Variants in NAV2 observed in about 807,000 individuals in gnomAD.
NAV2 encodes the protein neuron navigator 2.
Under a neutral mutation model 223.2 loss-of-function variants are expected in NAV2, and 54 were observed. The ratio of observed to expected loss-of-function variants is 0.24; its 90% CI spans 0.19 to 0.30. NAV2 has a LOEUF of 0.30. NAV2 is among the 10% of genes least tolerant of loss of function. The pLI is 1.00. For synonymous variants in NAV2, 1,279 were observed against 1,239.3 expected (o/e 1.03, Z -0.67); for missense variants, 2,806 against 3,147.5 (o/e 0.89, Z 2.60).
At chr11:20,098,662 C>T (rs1406650332) in intron 31 of NAV2, among the ~76,000 whole-genome samples, 1 of 152,246 alleles carries the variant, frequency 6.6e-6, no homozygotes, top group Non-Finnish European at 1.5e-5. Flanking sequence ...TCTTGCTCTG[C>T]AGGTGGCAAG....
chr11:19,776,646 G>GGT (rs1333632145), intron 1 of NAV2, among the ~76,000 whole-genome samples: 1 of 146,930 alleles, frequency 6.8e-6, no homozygotes, highest in African/African-American at 2.5e-5. Flanking sequence ...GTGTGTGTGT[G>GGT]TGTGTGTGTG....
upstream of NAV2, among the ~76,000 whole-genome samples, chr11:19,708,663 T>A (rs761760392): frequency 1.3e-5 from 2 of 152,036 alleles, no homozygotes; most frequent in African/African-American, 2.4e-5. Context: ...CAGAGAGGGG[T>A]GCAGCTGGCA....
At position 19,713,255 on chromosome 11, in the gene NAV2, C is replaced by T; in HGVS notation, c.-441C>T. 1.0e-6 allele frequency: 1 copy of T among 958,372 alleles called. No individual in the cohort carries two copies. The highest frequency in any genetic ancestry group is 1.2e-6 in the Non-Finnish European group (1 of 801,798). The allele number at this position is 958,372 out of a possible 1,614,324, so 59.4% of individuals were successfully genotyped here. On this transcript the variant is annotated 5_prime_UTR_variant, in exon 1 of 38. Coordinates refer to ENST00000349880, the MANE Select transcript of NAV2 (RefSeq NM_145117.5). The surrounding 1 kb of genome is among the most constrained non-coding windows in gnomAD (Gnocchi z 7.2). ...TTCTCTCGCCGGCTCAGACCCGTAG[C>T]CTCCGGAACGGGACTCGTGGGTCGC...
intron 3 of NAV2, among the ~76,000 whole-genome samples, chr11:19,864,593 G>A (rs2061980899): frequency 1.3e-5 from 2 of 152,158 alleles, no homozygotes; most frequent in Admixed American, 6.5e-5. Context: ...GCTCTCCTTG[G>A]TGGGGAAATA....
At chr11:20,078,228 G>T in intron 24 of NAV2, 124 bp downstream of exon 24, 1 of 724,440 alleles carries the variant, frequency 1.4e-6, no homozygotes, top group Non-Finnish European at 2.4e-6. Flanking sequence ...TCCATGTCAG[G>T]CAAGCAGGAA....
chr11:19,545,929 T>C lies in NAV2; in HGVS notation c.75+194902T>C, dbSNP rs544164894. ...AGAACTTTTTGGTATTTGTATTGTA[T>C]TGTAGTTTGTATTATATGCAGTTAT... On this transcript the variant is annotated intron_variant, in intron 1 of 37. Transcript: ENST00000360655. Among the ~76,000 whole-genome samples, 4 of 152,326 alleles carry C rather than the reference T, an allele frequency of 2.6e-5. No homozygotes were observed. In the South Asian group the frequency reaches 8.3e-4, roughly 32 times the overall value.
At chr11:19,544,796 C>A (rs2044444571) in intron 1 of NAV2, among the ~76,000 whole-genome samples, 1 of 152,212 alleles carries the variant, frequency 6.6e-6, no homozygotes, top group African/African-American at 2.4e-5. Context: ...GTGAGCCTGC[C>A]CCTGCCACTT....
chr11:19,685,951 ACT>A (rs1279982407), intron 1 of NAV2, among the ~76,000 whole-genome samples: 1 of 149,934 alleles, frequency 6.7e-6, no homozygotes, highest in Non-Finnish European at 1.5e-5. Context: ...CCAACTTAAA[ACT>A]CTCCAGAGGC....
intron 1 of NAV2, among the ~76,000 whole-genome samples, chr11:19,497,666 G>C (rs907965433): frequency 1.3e-5 from 2 of 152,138 alleles, no homozygotes; most frequent in African/African-American, 2.4e-5. Flanking sequence ...CATGAGGTGG[G>C]AGTGAATAAA....
intron 16 of NAV2, 65 bp from the exon 17 acceptor site, chr11:20,051,224 T>G: frequency 7.1e-7 from 1 of 1,410,524 alleles, no homozygotes; most frequent in Non-Finnish European, 1.0e-6. Context: ...CCTCCCTAGC[T>G]TTCCCTCTCT....
At chr11:20,117,794 T>C (rs1237233453) in intron 37 of NAV2, among the ~76,000 whole-genome samples, 1 of 152,168 alleles carries the variant, frequency 6.6e-6, no homozygotes, top group Non-Finnish European at 1.5e-5. Flanking sequence ...ATAAATAAGC[T>C]ATGTATAGAG....
intron 1 of NAV2, among the ~76,000 whole-genome samples, chr11:19,441,429 GACAC>G (rs756829104): frequency 7.8e-5 from 11 of 141,406 alleles, no homozygotes; most frequent in Middle Eastern, 3.6e-3. Context: ...AGGACACTGG[GACAC>G]ACACACACAC....
At chr11:19,658,970 G>T (rs538993323) in intron 1 of NAV2, among the ~76,000 whole-genome samples, 35 of 152,096 alleles carry the variant, frequency 2.3e-4, no homozygotes, top group Non-Finnish European at 4.7e-4. Flanking sequence ...CAAAACATTC[G>T]ACAAACACAA....
At chr11:19,508,062 G>T (rs775154109) in intron 1 of NAV2, among the ~76,000 whole-genome samples, 4 of 152,196 alleles carry the variant, frequency 2.6e-5, no homozygotes, top group Non-Finnish European at 4.4e-5. Flanking sequence ...TGATGAAATG[G>T]AAAGTATGTT....
intron 11 of NAV2, among the ~76,000 whole-genome samples, chr11:19,987,257 T>C (rs2050876236): frequency 6.6e-6 from 1 of 152,238 alleles, no homozygotes; most frequent in African/African-American, 2.4e-5. Context: ...ATATGTTCTT[T>C]AAACAACTTA....
intron 1 of NAV2, among the ~76,000 whole-genome samples, chr11:19,830,442 G>A (rs549785932): frequency 9.9e-5 from 15 of 152,266 alleles, no homozygotes; most frequent in African/African-American, 3.6e-4. Flanking sequence ...TGTGACCTTG[G>A]ACAGGTTACT....
At chr11:19,936,002 G>T (rs2153277119) in intron 7 of NAV2, among the ~76,000 whole-genome samples, 1 of 150,346 alleles carries the variant, frequency 6.7e-6, no homozygotes, top group South Asian at 2.1e-4. Flanking sequence ...TGGGACTACA[G>T]GTGCATGCCG....
chr11:19,547,200 A>C (rs912322524), intron 1 of NAV2, among the ~76,000 whole-genome samples: 1 of 152,196 alleles, frequency 6.6e-6, no homozygotes, highest in African/African-American at 2.4e-5. Context: ...GGCGATGGAA[A>C]GCAGTTGTTC....
chr11:19,964,983 C>T (rs1420884630), intron 10 of NAV2, among the ~76,000 whole-genome samples: 1 of 151,968 alleles, frequency 6.6e-6, no homozygotes, highest in Admixed American at 6.6e-5. Context: ...CCACGCCTGG[C>T]TAATTTTGCA....
Sources: gnomAD v4.1 joint callset for allele counts (sites outside exome capture counted in the v4.1 genomes callset) on GRCh38, gnomAD v4.1.1 for gene constraint, Gnocchi (gnomAD v3.1) non-coding constraint, MANE v1.5 for transcripts, NCBI Gene and HGNC (gene_info 2026-07-23, HGNC 2026-07-21) for gene names.